FAM151B: variants seen among roughly 807,000 people sequenced by gnomAD.
FAM151B encodes the protein family with sequence similarity 151 member B.
In FAM151B, 24 loss-of-function variants were observed where a neutral mutation model predicts 31.2. That is an observed-to-expected ratio of 0.77 (90% confidence interval 0.56 to 1.08). The LOEUF (loss-of-function observed/expected upper bound fraction) is 1.08. Among genes scored for constraint, FAM151B ranks in the 50% least tolerant of loss-of-function variants. FAM151B has a pLI of 0.00. For synonymous variants in FAM151B, 105 were observed against 111.4 expected, an observed-to-expected ratio of 0.94 and a Z score of 0.36; for missense variants, 293 against 328.6, an observed-to-expected ratio of 0.89 and a Z score of 0.84.
At chr5:80,496,409 A>G (rs1743538303) in intron 1 of FAM151B, among the ~76,000 whole-genome samples, 1 of 152,218 alleles carries the variant, frequency 6.6e-6, no homozygotes, top group Non-Finnish European at 1.5e-5. Flanking sequence ...ACATAATGCT[A>G]TTGTACAACT....
At chr5:80,525,910 G>T (rs1744941307) in intron 5 of FAM151B, among the ~76,000 whole-genome samples, 1 of 151,194 alleles carries the variant, frequency 6.6e-6, no homozygotes, top group African/African-American at 2.4e-5. Context: ...GCATATACTA[G>T]GTGTATTTAG....
chr5:80,493,339 G>A (rs1012020703), intron 1 of FAM151B, among the ~76,000 whole-genome samples: 6 of 152,098 alleles, frequency 3.9e-5, no homozygotes, highest in Non-Finnish European at 8.8e-5. Flanking sequence ...GTCACCTCAG[G>A]ACCACTGTTG....
intron 2 of FAM151B, among the ~76,000 whole-genome samples, chr5:80,511,328 G>A (rs1036402050): frequency 2.0e-5 from 3 of 149,936 alleles, no homozygotes; most frequent in African/African-American, 7.4e-5. Context: ...AGAAAAATTA[G>A]CAGGGTGTGG....
chr5:80,519,901 G>T lies in FAM151B; in HGVS notation c.526G>T (p.Val176Phe). ...GACAACAGGATGGCATCCTGAGAAA[G>T]TCAATGAAGGTAATAATTCTAATAA... ...GWTTGWHPEK[V>F]NEGYSWTMVK... The change falls in exon 4 of 6, where the codon GTC (valine) becomes TTC (phenylalanine). Residue 176 changes from valine to phenylalanine, a missense_variant. Transcript: ENST00000282226. 6.2e-7 allele frequency: 1 copy of T among 1,612,964 alleles called. No individual in the cohort carries two copies. The highest frequency in any genetic ancestry group is 1.3e-5 in the African/African-American group (1 of 75,006).
chr5:80,536,751 A>G (rs1745533320), intron 5 of FAM151B, among the ~76,000 whole-genome samples: 1 of 152,220 alleles, frequency 6.6e-6, no homozygotes. Context: ...TTGCAACGAC[A>G]TGGGTGGAAC....
chr5:80,491,490 T>C (rs1743328726), intron 1 of FAM151B, among the ~76,000 whole-genome samples: 1 of 152,236 alleles, frequency 6.6e-6, no homozygotes, highest in East Asian at 1.9e-4. Flanking sequence ...CCCAAAGTGC[T>C]GGAGTTACAG....
chr5:80,504,371 C>T (rs773323383), intron 2 of FAM151B, among the ~76,000 whole-genome samples: 2 of 152,064 alleles, frequency 1.3e-5, no homozygotes, highest in Non-Finnish European at 2.9e-5. Flanking sequence ...CTTGCTCATA[C>T]TGCTGTAGTT....
At position 80,498,632 on chromosome 5, in the gene FAM151B, G is replaced by A. The variant is rs1288800581; in HGVS notation, c.26-3160G>A. 6 of 758,790 alleles carry A rather than the reference G, an allele frequency of 7.9e-6. No individual in the cohort carries two copies. The East Asian group carries it at 1.3e-4, about 17-fold the overall frequency. The allele number at this position is 758,790 out of a possible 1,614,324, so 47.0% of individuals were successfully genotyped here. A position where few individuals can be genotyped will look rare whatever the true frequency, so the allele number is the denominator to read the frequency against. On this transcript the variant is annotated intron_variant, in intron 1 of 5. Transcript: ENST00000282226. ...TAAACACTCCAGCACCATCTGAATG[G>A]CACTCTCGACAAAGGTGTCTAATTT...
intron 5 of FAM151B, among the ~76,000 whole-genome samples, chr5:80,534,474 T>C (rs925468064): frequency 6.6e-6 from 1 of 152,196 alleles, no homozygotes; most frequent in African/African-American, 2.4e-5. Flanking sequence ...ATCACTGTGA[T>C]ACATCGTATT....
intron 2 of FAM151B, among the ~76,000 whole-genome samples, chr5:80,504,293 A>T (rs769827702): frequency 4.6e-5 from 7 of 152,206 alleles, no homozygotes; most frequent in Non-Finnish European, 7.4e-5. Flanking sequence ...ATTCCAAAAT[A>T]CATTTTGAAT....
At chr5:80,513,144 T>C (rs2112626498) in intron 2 of FAM151B, among the ~76,000 whole-genome samples, 1 of 152,210 alleles carries the variant, frequency 6.6e-6, no homozygotes, top group East Asian at 1.9e-4. Context: ...TCAAAGGATG[T>C]ATGCTTTTAA....
intron 1 of FAM151B, among the ~76,000 whole-genome samples, chr5:80,497,403 AG>A (rs1743585946): frequency 6.6e-6 from 1 of 150,392 alleles, no homozygotes; most frequent in African/African-American, 2.4e-5. Context: ...TGACAGAGCA[AG>A]ACTCCGGCTC....
At chr5:80,493,718 C>G (rs192013894) in intron 1 of FAM151B, among the ~76,000 whole-genome samples, 5 of 152,288 alleles carry the variant, frequency 3.3e-5, no homozygotes. Context: ...GAAATTCCAG[C>G]CTGGTAAATT....
chr5:80,524,477 G>T (rs1483133061), intron 5 of FAM151B, among the ~76,000 whole-genome samples: 1 of 151,960 alleles, frequency 6.6e-6, no homozygotes, highest in African/African-American at 2.4e-5. Flanking sequence ...ATTTTTTAAA[G>T]ATACCTACTT....
intron 5 of FAM151B, among the ~76,000 whole-genome samples, chr5:80,526,494 C>CACAGGCACCTGTAATTCCAG (rs1177202206): frequency 2.6e-5 from 4 of 151,088 alleles, no homozygotes; most frequent in African/African-American, 7.3e-5. Context: ...ATGGCAGGTG[C>CACAGGCACCTGTAATTCCAG]CTGTAATTCC....
At chr5:80,491,873 G>A (rs1359857144) in intron 1 of FAM151B, among the ~76,000 whole-genome samples, 1 of 152,180 alleles carries the variant, frequency 6.6e-6, no homozygotes, top group African/African-American at 2.4e-5. Flanking sequence ...TTTACCCGCT[G>A]ATGGTGCTTA....
chr5:80,511,561 C>T (rs1744188977), intron 2 of FAM151B, among the ~76,000 whole-genome samples: 1 of 150,956 alleles, frequency 6.6e-6, no homozygotes, highest in Admixed American at 6.6e-5. Flanking sequence ...TTTCATGTGT[C>T]AAAGCTTCTT....
At chr5:80,497,462 A>G (rs1193996952) in intron 1 of FAM151B, among the ~76,000 whole-genome samples, 1 of 151,750 alleles carries the variant, frequency 6.6e-6, no homozygotes, top group African/African-American at 2.4e-5. Context: ...CAAAAACTCA[A>G]TCTTAAAAAA....
intron 2 of FAM151B, 107 bp downstream of exon 2, chr5:80,502,024 G>T: frequency 6.9e-6 from 5 of 724,018 alleles, no homozygotes; most frequent in Non-Finnish European, 1.0e-5. Flanking sequence ...TGATCCAAGT[G>T]TAAGTTCCAG....
Sources: allele counts gnomAD v4.1 joint callset (sites outside exome capture counted in the v4.1 genomes callset), GRCh38; gene constraint gnomAD v4.1.1; transcripts MANE v1.5; gene names NCBI Gene and HGNC (gene_info 2026-07-23, HGNC 2026-07-21).